The following PRIMPOL variants were observed in gnomAD, a reference collection of about 807,000 sequenced individuals.
PRIMPOL encodes primase and DNA directed polymerase, also known as DNA-directed primase/polymerase protein.
A neutral mutation model predicts 63.6 loss-of-function variants in PRIMPOL; 54 were observed. The ratio of observed to expected loss-of-function variants is 0.85; its 90% CI spans 0.68 to 1.07. PRIMPOL has a LOEUF of 1.07. PRIMPOL is among the 50% of genes least tolerant of loss of function. PRIMPOL has a pLI of 0.00. For synonymous variants in PRIMPOL, 197 were observed against 220.2 expected (o/e 0.89, Z 0.93); for missense variants, 610 against 648.3 (o/e 0.94, Z 0.64).
rs146181389 is a variant in PRIMPOL, at chr4:184,691,184, ATTTG to A, written c.1296-311_1296-308del. Among the ~76,000 whole-genome samples, 1,118 of 152,092 alleles carry A rather than the reference ATTTG, an allele frequency of 7.4e-3. 14 individuals are homozygous for A. The highest frequency in any genetic ancestry group is 0.025 in the African/African-American group (1,045 of 41,474). ...TTTTAAAAACCTTGATTTATGGTAG[ATTTG>A]TTTATCATTGTGGTCCTGTCCATTT... On this transcript the variant is annotated intron_variant, in intron 11 of 13. Transcript: ENST00000314970.
At chr4:184,663,030 A>ATTATTG (rs1560967025) in intron 5 of PRIMPOL, among the ~76,000 whole-genome samples, 1 of 139,980 alleles carries the variant, frequency 7.1e-6, no homozygotes, top group Non-Finnish European at 1.5e-5. Context: ...TATTATTATT[A>ATTATTG]TTATTATTAT....
At chr4:184,683,268 T>C (rs1232904642) in intron 9 of PRIMPOL, among the ~76,000 whole-genome samples, 2 of 151,810 alleles carry the variant, frequency 1.3e-5, no homozygotes, top group Admixed American at 6.6e-5. Flanking sequence ...ACTAAAAATA[T>C]AAAAATTAGC....
intron 6 of PRIMPOL, 104 bp from the exon 7 acceptor site, chr4:184,672,069 A>G: frequency 9.0e-7 from 1 of 1,107,528 alleles, no homozygotes. Flanking sequence ...AGAAATCAAA[A>G]AATGGTTTTC....
intron 11 of PRIMPOL, among the ~76,000 whole-genome samples, 168 bp downstream of exon 11, chr4:184,685,852 A>G (rs1756851437): frequency 6.6e-6 from 1 of 151,922 alleles, no homozygotes. Flanking sequence ...CCCAGGCTGG[A>G]GTACAGTGGC....
At chr4:184,676,217 C>T (rs1409964758) in intron 7 of PRIMPOL, among the ~76,000 whole-genome samples, 2 of 151,898 alleles carry the variant, frequency 1.3e-5, no homozygotes, top group African/African-American at 4.8e-5. Context: ...AGCAATCCTC[C>T]TGCCTCAGCC....
chr4:184,670,689 A>G (rs1011908679), intron 6 of PRIMPOL, among the ~76,000 whole-genome samples: 1 of 152,008 alleles, frequency 6.6e-6, no homozygotes, highest in Non-Finnish European at 1.5e-5. Flanking sequence ...CTGGGATTAC[A>G]GGTGCCCAGC....
Position 184,652,860 on chromosome 4 carries a change from AAAGG to A in PRIMPOL, c.-60+762_-60+765del, listed in dbSNP as rs201207501. 3.0e-4 allele frequency among the ~76,000 whole-genome samples: 41 copies of A among 137,028 alleles called. 2 individuals are homozygous for A. The highest frequency in any genetic ancestry group is 1.2e-3 in the African/African-American group (41 of 33,780). 89.9% of individuals were successfully genotyped at this position (137,028 alleles called of 152,430 possible). On this transcript the variant is annotated intron_variant, in intron 2 of 13. Transcript: ENST00000314970. The stretch of plus-strand genomic sequence containing the variant: ...AGTGATGAGAAAAAAAGAAAAAAGA[AAAGG>A]AGGGAGGAAGGAAGGAAAGAAGGGA...
chr4:184,694,811 C>T lies in PRIMPOL; in HGVS notation c.*32C>T. On this transcript the variant is annotated 3_prime_UTR_variant, in exon 14 of 14. Coordinates refer to ENST00000314970, the MANE Select transcript of PRIMPOL (RefSeq NM_152683.4). Reference sequence around the variant, plus strand: ...CACTATGAACACTTTTGTCACCAGGCTATAATTTGCCTGATGTCTGTGAGA... The same window carrying T: ...CACTATGAACACTTTTGTCACCAGGTTATAATTTGCCTGATGTCTGTGAGA... 1 of 1,560,756 alleles carries T rather than the reference C, an allele frequency of 6.4e-7. No homozygotes were observed. The highest frequency in any genetic ancestry group is 1.7e-4 in the Middle Eastern group (1 of 5,914).
chr4:184,689,661 G>A (rs1757969396), intron 11 of PRIMPOL, among the ~76,000 whole-genome samples: 1 of 151,624 alleles, frequency 6.6e-6, no homozygotes, highest in South Asian at 2.1e-4. Flanking sequence ...TCACCATGTT[G>A]GCCAGGCTGG....
chr4:184,656,248 T>C (rs376107934), intron 2 of PRIMPOL, among the ~76,000 whole-genome samples: 3 of 152,054 alleles, frequency 2.0e-5, no homozygotes, highest in African/African-American at 7.2e-5. Flanking sequence ...CTTTTGTCAA[T>C]GTGATGTTGG....
At chr4:184,689,301 A>G (rs1324765747) in intron 11 of PRIMPOL, among the ~76,000 whole-genome samples, 1 of 152,008 alleles carries the variant, frequency 6.6e-6, no homozygotes, top group Non-Finnish European at 1.5e-5. Flanking sequence ...CCTTCAAGCT[A>G]TCCTCCCACC....
chr4:184,653,688 G>A (rs949604012), intron 2 of PRIMPOL, among the ~76,000 whole-genome samples: 7 of 151,700 alleles, frequency 4.6e-5, no homozygotes, highest in Non-Finnish European at 7.4e-5. Flanking sequence ...GTTTTCCTTC[G>A]GAACTTGGAA....
intron 8 of PRIMPOL, among the ~76,000 whole-genome samples, chr4:184,681,957 A>C (rs7665753): frequency 3.3e-5 from 5 of 152,216 alleles, no homozygotes; most frequent in Non-Finnish European, 5.9e-5. Flanking sequence ...ACAGGGCTTC[A>C]GCAGTCCTAG....
At chr4:184,675,913 G>A (rs1039230415) in intron 7 of PRIMPOL, among the ~76,000 whole-genome samples, 5 of 152,146 alleles carry the variant, frequency 3.3e-5, no homozygotes, top group Middle Eastern at 3.2e-3. Context: ...GTGTGTGTTT[G>A]TGGTTGCCTT....
chr4:184,666,299 C>T (rs1349179758), intron 6 of PRIMPOL, among the ~76,000 whole-genome samples: 1 of 152,104 alleles, frequency 6.6e-6, no homozygotes, highest in Non-Finnish European at 1.5e-5. Flanking sequence ...GCTGGCAAAA[C>T]CCTGTCTCTA....
At chr4:184,693,610 G>T (rs904295763) in intron 13 of PRIMPOL, among the ~76,000 whole-genome samples, 10 of 152,014 alleles carry the variant, frequency 6.6e-5, no homozygotes, top group African/African-American at 2.4e-4. Flanking sequence ...ATATTTCATT[G>T]GTCACTTGAT....
intron 11 of PRIMPOL, 77 bp from the exon 12 acceptor site, chr4:184,691,410 AGGCATATTTCTT>A: frequency 1.4e-6 from 1 of 735,560 alleles, no homozygotes; most frequent in Non-Finnish European, 2.3e-6. Flanking sequence ...TTTAAGTCTT[AGGCATATTTCTT>A]GGAACAGCAT....
In PRIMPOL at chr4:184,663,170, G is replaced by A. The variant is rs112858272; in HGVS notation, c.408+1267G>A. 7.9e-3 allele frequency among the ~76,000 whole-genome samples: 1,193 copies of A among 151,680 alleles called. 18 individuals are homozygous for A. The highest frequency in any genetic ancestry group is 0.027 in the African/African-American group (1,107 of 41,428). On this transcript the variant is annotated intron_variant, in intron 5 of 13. Coordinates refer to ENST00000314970, the MANE Select transcript of PRIMPOL (RefSeq NM_152683.4). ...AGCAGTTCTCCTGCCTCAGCCTCCC[G>A]AGTAGCTGGGATTACAGGTGTGTGC...
intron 6 of PRIMPOL, among the ~76,000 whole-genome samples, chr4:184,671,032 A>G (rs1000574432): frequency 4.6e-5 from 7 of 152,228 alleles, no homozygotes; most frequent in African/African-American, 1.4e-4. Context: ...ATTGTTACAC[A>G]TGAAGCAACT....
Sources: gnomAD v4.1 joint callset for allele counts (sites outside exome capture counted in the v4.1 genomes callset) on GRCh38, gnomAD v4.1.1 for gene constraint, MANE v1.5 for transcripts, NCBI Gene and HGNC (gene_info 2026-07-23, HGNC 2026-07-21) for gene names.